The following VPS13A variants were observed in gnomAD, a reference collection of about 807,000 sequenced individuals.
VPS13A encodes the protein vacuolar protein sorting 13 homolog A.
VPS13A carries 264 observed loss-of-function variants against 390.9 expected under a neutral mutation model. The observed-to-expected ratio is 0.68, with a 90% CI of 0.61 to 0.75. The LOEUF (loss-of-function observed/expected upper bound fraction) is 0.75, where lower values mean the gene tolerates loss of function less well. VPS13A is among the 30% of genes least tolerant of loss of function. VPS13A has a pLI of 0.00. For missense variants in VPS13A, 3,409 were observed against 3,733.9 expected (o/e 0.91, Z 2.27); for synonymous variants, 1,231 against 1,227.1 (o/e 1.00, Z -0.07).
intron 19 of VPS13A, among the ~76,000 whole-genome samples, chr9:77,243,443 T>C (rs1344492763): frequency 6.6e-6 from 1 of 152,170 alleles, no homozygotes; most frequent in Non-Finnish European, 1.5e-5. Context: ...CAGCTTGTTA[T>C]TTTCCCCTTC....
Position 77,294,744 on chromosome 9 carries a change from G to A in VPS13A, c.3508-798G>A, listed in dbSNP as rs762812334. On this transcript the variant is annotated intron_variant, in intron 32 of 71. Coordinates refer to ENST00000360280, the MANE Select transcript of VPS13A (RefSeq NM_033305.3). ...ATTAGAGTTGGGTTCTTGCTCTGCA[G>A]CCCAGACTGGAGTGCAGTGGCGTGC... is the stretch of plus-strand genomic sequence containing the variant. Among the ~76,000 whole-genome samples, 59 of 152,020 alleles carry A rather than the reference G, an allele frequency of 3.9e-4. 1 individual carries two copies. The highest frequency in any genetic ancestry group is 4.1e-4 in the South Asian group (2 of 4,830).
chr9:77,310,423 T>A (rs911252528), intron 35 of VPS13A, among the ~76,000 whole-genome samples: 2 of 152,204 alleles, frequency 1.3e-5, no homozygotes, highest in African/African-American at 4.8e-5. Context: ...CTATATTATA[T>A]AACTGATACA....
intron 59 of VPS13A, among the ~76,000 whole-genome samples, chr9:77,364,442 C>CA (rs1054393866): frequency 2.2e-3 from 339 of 150,926 alleles, no homozygotes; most frequent in African/African-American, 7.3e-3. Context: ...AACAAACAAA[C>CA]AAAAAAAAAC....
intron 50 of VPS13A, among the ~76,000 whole-genome samples, chr9:77,341,125 T>C (rs1830782021): frequency 6.6e-6 from 1 of 152,306 alleles, no homozygotes; most frequent in Admixed American, 6.5e-5. Flanking sequence ...ACCGTCCTTG[T>C]TGGGATTATT....
chr9:77,339,436 G>C, intron 47 of VPS13A, 80 bp from the exon 48 acceptor site: 1 of 1,359,468 alleles, frequency 7.4e-7, no homozygotes, highest in Admixed American at 2.4e-5. Flanking sequence ...TGCAGCATTT[G>C]GAATACATAA....
chr9:77,274,204 C>T (rs1044182228), intron 24 of VPS13A, among the ~76,000 whole-genome samples: 5 of 151,882 alleles, frequency 3.3e-5, no homozygotes, highest in African/African-American at 4.8e-5. Context: ...CCAAGGCGGG[C>T]GGATCATGAG....
At position 77,205,345 on chromosome 9, in the gene VPS13A, C is replaced by T. The variant is rs1346409435; in HGVS notation, c.220C>T (p.Leu74Phe). The T allele has an allele frequency of 2.0e-6, 3 of 1,520,268 alleles. No individual in the cohort carries two copies. Among genetic ancestry groups the T allele is most frequent in the Non-Finnish European group, 2.7e-6 (3 of 1,129,138 alleles). 94.2% of individuals were successfully genotyped at this position (1,520,268 alleles called of 1,614,324 possible). Residue 74 changes from leucine (L) to phenylalanine (F), a missense_variant, in exon 4 of 72, where the codon CTT becomes TTT. Leu to Phe is a conservative substitution (Grantham distance 22). Coordinates refer to ENST00000360280, the MANE Select transcript of VPS13A (RefSeq NM_033305.3). ...NLKLIIPWKN[L>F]YTQPVEAVLE... Reference sequence around the variant, plus strand: ...TAAACTTATAATTCCATGGAAAAACCTTTATACTCAACCTGTTGAAGCCGT... The same window carrying T: ...TAAACTTATAATTCCATGGAAAAACTTTTATACTCAACCTGTTGAAGCCGT...
intron 22 of VPS13A, among the ~76,000 whole-genome samples, chr9:77,255,353 C>T (rs1825380889): frequency 6.6e-6 from 1 of 151,856 alleles, no homozygotes; most frequent in Non-Finnish European, 1.5e-5. Context: ...TTGAGTCCAG[C>T]AAAAAATCCT....
chr9:77,368,252 T>C (rs1832546518), intron 62 of VPS13A, 116 bp downstream of exon 62: 2 of 815,120 alleles, frequency 2.5e-6, no homozygotes, highest in African/African-American at 1.7e-5. Flanking sequence ...TTTCAAATTA[T>C]TAAAGCATGG....
chr9:77,353,825 A>G (rs768556476), intron 54 of VPS13A, among the ~76,000 whole-genome samples, 184 bp downstream of exon 54: 15 of 152,126 alleles, frequency 9.9e-5, no homozygotes, highest in Non-Finnish European at 2.1e-4. Context: ...AAGATATGGC[A>G]GAAATCAAAT....
In VPS13A at chr9:77,226,591, A is replaced by G. The variant is rs780308515; in HGVS notation, c.1350A>G (p.Gln450=). Residue 450 remains glutamine (Q), a synonymous_variant, in exon 15 of 72, where the codon CAA becomes CAG. Coordinates refer to ENST00000360280, the MANE Select transcript of VPS13A (RefSeq NM_033305.3). Reference sequence around the variant, plus strand: ...CTAATGAACAGCAACCAGATGTTCAACCTGAAAGTATGTCCATTTCATTTT... The same window carrying G: ...CTAATGAACAGCAACCAGATGTTCAGCCTGAAAGTATGTCCATTTCATTTT... ...QNTNEQQPDV[Q]PETLEEMLTP... The G allele has an allele frequency of 3.1e-6, 5 of 1,612,216 alleles. No individual in the cohort carries two copies. Among genetic ancestry groups the G allele is most frequent in the African/African-American group, 1.3e-5 (1 of 75,000 alleles).
At chr9:77,223,721 A>ATG (rs58180315) in intron 13 of VPS13A, among the ~76,000 whole-genome samples, 2 of 35,476 alleles carry the variant, frequency 5.6e-5, no homozygotes, top group East Asian at 1.0e-3. Context: ...TCTCTATAAC[A>ATG]AAAGTATAAG....
At chr9:77,255,575 G>A (rs190686888) in intron 22 of VPS13A, among the ~76,000 whole-genome samples, 1 of 152,216 alleles carries the variant, frequency 6.6e-6, no homozygotes, top group East Asian at 1.9e-4. Flanking sequence ...GAATGGATTA[G>A]AAAGTATTCC....
At chr9:77,372,274 TAA>T (rs1832817563) in intron 67 of VPS13A, among the ~76,000 whole-genome samples, 1 of 151,826 alleles carries the variant, frequency 6.6e-6, no homozygotes. Flanking sequence ...ACCAACAGTG[TAA>T]AAGTTTTCCT....
chr9:77,400,358 C>G, intron 68 of VPS13A, among the ~76,000 whole-genome samples: 1 of 150,274 alleles, frequency 6.7e-6, no homozygotes, highest in East Asian at 2.0e-4. Flanking sequence ...GACTCTATAT[C>G]TCTGTATTGA....
rs57841628 is a variant in VPS13A at position 77,341,691 on chromosome 9, C to CTTTTTTTTTTTTT, written c.7026+1158_7026+1170dup. 2.5e-3 allele frequency among the ~76,000 whole-genome samples: 95 copies of CTTTTTTTTTTTTT among 37,838 alleles called. 15 individuals carry two copies. Among genetic ancestry groups the CTTTTTTTTTTTTT allele is most frequent in the Admixed American group, 4.0e-3 (9 of 2,264 alleles). 24.8% of individuals were successfully genotyped at this position (37,838 alleles called of 152,430 possible). The stretch of plus-strand genomic sequence containing the variant: ...AGTAAGTTCTACATGGACATCTTTC[C>CTTTTTTTTTTTTT]TTTTTTTTTTTTTTTTTTTTTTTTT... On this transcript the variant is annotated intron_variant, in intron 50 of 71. Coordinates refer to ENST00000360280, the MANE Select transcript of VPS13A (RefSeq NM_033305.3).
Position 77,333,158 on chromosome 9 carries a change from C to CT in VPS13A, c.6095+1048dup, listed in dbSNP as rs1477405820. ...TATATTTAAAAATTTCTGTGAAGAA[C>CT]TTTCATTTTCTTCTTGGATAATAAA... On this transcript the variant is annotated intron_variant, in intron 46 of 71. Transcript: ENST00000360280. 4.6e-5 allele frequency among the ~76,000 whole-genome samples: 7 copies of CT among 152,256 alleles called. No individual in the cohort carries two copies. In the South Asian group the frequency reaches 8.3e-4, roughly 18 times the overall value.
intron 67 of VPS13A, among the ~76,000 whole-genome samples, chr9:77,371,746 C>T (rs554975277): frequency 1.8e-4 from 27 of 148,990 alleles, no homozygotes; most frequent in East Asian, 8.0e-4. Flanking sequence ...CATGCTGGTG[C>T]GCTGCACCCA....
chr9:77,317,529 A>T, intron 39 of VPS13A, 77 bp from the exon 40 acceptor site: 1 of 1,105,544 alleles, frequency 9.0e-7, no homozygotes. Context: ...TGACATACCT[A>T]TTACTAGGAA....
Sources: gnomAD v4.1 joint callset for allele counts (sites outside exome capture counted in the v4.1 genomes callset) on GRCh38, gnomAD v4.1.1 for gene constraint, MANE v1.5 for transcripts, NCBI Gene and HGNC (gene_info 2026-07-23, HGNC 2026-07-21) for gene names.